Variants in TRPM7 observed in about 807,000 individuals in gnomAD.
The protein encoded by TRPM7 is LTRPC ion channel family member 7.
Under a neutral mutation model 229.7 loss-of-function variants are expected in TRPM7, and 134 were observed. The observed-to-expected ratio is 0.58, with a 90% confidence interval of 0.51 to 0.67. The LOEUF is 0.67. Among genes scored for constraint, TRPM7 ranks in the 30% least tolerant of loss-of-function variants. The probability of loss-of-function intolerance (pLI) is 0.00; values close to 1 mark genes in which losing one functional copy is unlikely to be tolerated. For missense variants in TRPM7, 1,901 were observed against 2,210.0 expected (o/e 0.86, Z 2.80); for synonymous variants, 699 against 715.2 (o/e 0.98, Z 0.36).
chr15:50,654,336 A>G (rs1033887414), intron 3 of TRPM7, among the ~76,000 whole-genome samples: 1 of 151,146 alleles, frequency 6.6e-6, no homozygotes, highest in Non-Finnish European at 1.5e-5. Flanking sequence ...AATCCCAGCT[A>G]CTCGGGAGGC....
intron 3 of TRPM7, among the ~76,000 whole-genome samples, chr15:50,652,877 CTA>C (rs1331945822): frequency 6.6e-6 from 1 of 152,048 alleles, no homozygotes; most frequent in Non-Finnish European, 1.5e-5. Flanking sequence ...CAAGAAAAGA[CTA>C]GGCCGGGCAC....
At chr15:50,642,093 T>G (rs1228456305) in intron 5 of TRPM7, among the ~76,000 whole-genome samples, 1 of 152,180 alleles carries the variant, frequency 6.6e-6, no homozygotes, top group Non-Finnish European at 1.5e-5. Context: ...CTGCCCTCTT[T>G]ATATTCAACC....
chr15:50,632,963 A>C lies in TRPM7; in HGVS notation c.1037T>G (p.Ile346Ser). ...GNLPDAAEPD[I>S]ISTIKKTFNF... ...AAATGTTTTTTTGATAGTGGAAATAATATCGGGCTCTGCTGCATCAGGAAG... is the reference window on the plus strand; with the variant it reads ...AAATGTTTTTTTGATAGTGGAAATACTATCGGGCTCTGCTGCATCAGGAAG... Residue 346 changes from isoleucine to serine, a missense_variant, in exon 9 of 39, where the codon ATT becomes AGT. This residue lies in a region of TRPM7 where 794 missense variants were observed against 881.9 expected (regional missense o/e 0.90). Transcript: ENST00000646667. 1 of 1,602,082 alleles carries C rather than the reference A, an allele frequency of 6.2e-7. No individual in the cohort carries two copies.
intron 31 of TRPM7, among the ~76,000 whole-genome samples, chr15:50,578,181 G>A (rs1433439840): frequency 1.3e-5 from 2 of 152,182 alleles, no homozygotes; most frequent in Non-Finnish European, 2.9e-5. Flanking sequence ...GCACTATTCT[G>A]TATGCACTAT....
At chr15:50,580,936 C>CAA (rs2140302408) in intron 29 of TRPM7, 28 bp from the exon 30 acceptor site, 5 of 1,563,274 alleles carry the variant, frequency 3.2e-6, no homozygotes, top group African/African-American at 1.4e-5. Flanking sequence ...CACACACACA[C>CAA]AAAAACCTTA....
chr15:50,588,008 T>C (rs1045696246), intron 27 of TRPM7, among the ~76,000 whole-genome samples: 2 of 152,166 alleles, frequency 1.3e-5, no homozygotes, highest in African/African-American at 4.8e-5. Context: ...GCTACCTAAG[T>C]GAACTTGATC....
chr15:50,583,248 T>A, intron 28 of TRPM7, 89 bp from the exon 29 acceptor site: 1 of 838,224 alleles, frequency 1.2e-6, no homozygotes, highest in Non-Finnish European at 1.8e-6. Context: ...CTAGGCACAG[T>A]ATAACCTTCA....
intron 17 of TRPM7, 75 bp downstream of exon 17, chr15:50,611,018 C>G: frequency 8.3e-7 from 1 of 1,199,432 alleles, no homozygotes; most frequent in Non-Finnish European, 1.2e-6. Context: ...AGGCATTTTA[C>G]TACACATTTA....
intron 26 of TRPM7, among the ~76,000 whole-genome samples, chr15:50,590,182 G>A (rs995276960): frequency 2.6e-5 from 4 of 151,822 alleles, no homozygotes; most frequent in South Asian, 4.2e-4. Context: ...TTACAGTAAC[G>A]TTAAAAGCCA....
At chr15:50,575,957 G>A in intron 31 of TRPM7, 38 bp from the exon 32 acceptor site, 2 of 1,593,662 alleles carry the variant, frequency 1.3e-6, no homozygotes. Context: ...CATTTAAAAA[G>A]TACTAGTACA....
At chr15:50,568,111 C>CAAAAAAAAAAAAA (rs57093955) in intron 38 of TRPM7, among the ~76,000 whole-genome samples, 2 of 81,438 alleles carry the variant, frequency 2.5e-5, no homozygotes, top group Non-Finnish European at 4.4e-5. Context: ...GACTCTGTCT[C>CAAAAAAAAAAAAA]AAAAAAAAAA....
intron 1 of TRPM7, among the ~76,000 whole-genome samples, chr15:50,671,949 A>G (rs1008977935): frequency 6.6e-6 from 1 of 151,904 alleles, no homozygotes; most frequent in Non-Finnish European, 1.5e-5. Flanking sequence ...AACTATGTAC[A>G]GTACATAATA....
At chr15:50,623,680 T>C (rs995118538) in intron 12 of TRPM7, among the ~76,000 whole-genome samples, 1 of 151,336 alleles carries the variant, frequency 6.6e-6, no homozygotes, top group African/African-American at 2.4e-5. Context: ...TGGAATAAAA[T>C]GTGAAAGTCT....
intron 27 of TRPM7, among the ~76,000 whole-genome samples, chr15:50,586,794 G>A (rs578254450): frequency 2.1e-4 from 32 of 152,150 alleles, no homozygotes; most frequent in Admixed American, 9.2e-4. Context: ...CGAGGCGGGC[G>A]GATCATGATG....
intron 38 of TRPM7, among the ~76,000 whole-genome samples, chr15:50,565,135 C>A (rs1365083048): frequency 6.6e-6 from 1 of 152,018 alleles, no homozygotes; most frequent in Non-Finnish European, 1.5e-5. Context: ...GCACCCACCA[C>A]CACGCCCAGC....
chr15:50,602,685 T>C (rs569076555), intron 21 of TRPM7, among the ~76,000 whole-genome samples: 24 of 152,328 alleles, frequency 1.6e-4, no homozygotes, highest in African/African-American at 5.5e-4. Flanking sequence ...TATTCATCTT[T>C]GTAGCCCCAG....
At position 50,574,964 on chromosome 15, in the gene TRPM7, T is replaced by A; in HGVS notation, c.4907A>T (p.His1636Leu). 6.2e-7 allele frequency: 1 copy of A among 1,614,204 alleles called. No individual in the cohort carries two copies. The highest frequency in any genetic ancestry group is 8.5e-7 in the Non-Finnish European group (1 of 1,180,020). The change falls in exon 34 of 39, where the codon CAT becomes CTT. Residue 1636 changes from histidine (H) to leucine (L), a missense_variant. His to Leu is a moderately conservative substitution (Grantham distance 99). This residue lies in a region of TRPM7 where 257 missense variants were observed against 352.0 expected (regional missense o/e 0.73). Coordinates refer to ENST00000646667, the MANE Select transcript of TRPM7 (RefSeq NM_017672.6). Reference protein sequence around the residue: ...AVKVQCTWSEHDILKSGHLYI... With the variant: ...AVKVQCTWSELDILKSGHLYI... ...AAGATGCCCTGATTTGAGGATATCA[T>A]GTTCTGACCAGGTACACTGTACTTT...
chr15:50,614,529 C>A (rs570708464), intron 13 of TRPM7, among the ~76,000 whole-genome samples: 2 of 151,916 alleles, frequency 1.3e-5, no homozygotes, highest in East Asian at 3.9e-4. Flanking sequence ...GCCAGGCAAG[C>A]TAGTAGATGC....
At chr15:50,586,940 C>T (rs1436926156) in intron 27 of TRPM7, among the ~76,000 whole-genome samples, 3 of 152,186 alleles carry the variant, frequency 2.0e-5, no homozygotes, top group East Asian at 1.9e-4. Flanking sequence ...CACTTGAACC[C>T]GGGAGGCGTA....
Sources: allele counts gnomAD v4.1 joint callset (sites outside exome capture counted in the v4.1 genomes callset), GRCh38; gene constraint gnomAD v4.1.1; regional missense constraint gnomAD v4.1.1; transcripts MANE v1.5; gene names NCBI Gene and HGNC (gene_info 2026-07-23, HGNC 2026-07-21).